PRKN: variants seen among roughly 807,000 people sequenced by gnomAD.
The protein encoded by PRKN is E3 ubiquitin-protein ligase parkin.
PRKN carries 56 observed loss-of-function variants against 59.5 expected under a neutral mutation model. The observed-to-expected ratio is 0.94, with a 90% confidence interval of 0.76 to 1.18. The LOEUF is 1.18. Ranked by LOEUF, PRKN falls within the 50% of genes most tolerant of loss-of-function variation. The probability of loss-of-function intolerance (pLI) is 0.00; values close to 1 mark genes in which losing one functional copy is unlikely to be tolerated. For missense variants in PRKN, 657 were observed against 596.4 expected, an observed-to-expected ratio of 1.10 and a Z score of -1.06; for synonymous variants, 250 against 222.1, an observed-to-expected ratio of 1.13 and a Z score of -1.12.
Position 162,418,755 on chromosome 6 carries a change from T to C in PRKN, c.171+24555A>G, listed in dbSNP as rs535114557. Among the ~76,000 whole-genome samples, 160 of 151,380 alleles carry C rather than the reference T, an allele frequency of 1.1e-3. 1 individual carries two copies. Among genetic ancestry groups the C allele is most frequent in the African/African-American group, 3.8e-3 (155 of 41,276 alleles). On this transcript the variant is annotated intron_variant, in intron 2 of 11. Transcript: ENST00000366898. ...GGTGTGCACGGTTCCTGCACACTCA[T>C]GAAGGAATCCAAGCACACCCAGGGC... is the stretch of plus-strand genomic sequence containing the variant.
intron 1 of PRKN, among the ~76,000 whole-genome samples, chr6:162,533,786 C>T (rs1185232971): frequency 6.6e-6 from 1 of 151,952 alleles, no homozygotes; most frequent in Non-Finnish European, 1.5e-5. Flanking sequence ...GCCTGGCCAA[C>T]ATGGTAAAAC....
intron 1 of PRKN, among the ~76,000 whole-genome samples, chr6:162,480,034 C>T (rs2128181818): frequency 6.6e-6 from 1 of 150,680 alleles, no homozygotes; most frequent in East Asian, 2.0e-4. Flanking sequence ...CACTGCACTC[C>T]AGCCTGGGTG....
At chr6:161,999,427 T>G (rs1781965858) in intron 5 of PRKN, among the ~76,000 whole-genome samples, 1 of 152,108 alleles carries the variant, frequency 6.6e-6, no homozygotes. Context: ...CCACAATTCC[T>G]GAAAAATAAA....
chr6:162,071,747 C>G, intron 4 of PRKN, among the ~76,000 whole-genome samples: 1 of 152,002 alleles, frequency 6.6e-6, no homozygotes, highest in East Asian at 1.9e-4. Context: ...AGGCACATGG[C>G]ACCACACCCA....
At chr6:161,776,459 C>G (rs1403037694) in intron 7 of PRKN, among the ~76,000 whole-genome samples, 1 of 152,172 alleles carries the variant, frequency 6.6e-6, no homozygotes, top group African/African-American at 2.4e-5. Flanking sequence ...CTCATGCTAG[C>G]TAGCAAGTCA....
rs9458257 is a variant in PRKN, at chr6:161,442,918, C to T, written c.1084-56041G>A. Among the ~76,000 whole-genome samples the T allele has an allele frequency of 0.14, 20,784 of 152,148 alleles. 1,630 individuals are homozygous for T. The highest frequency in any genetic ancestry group is 0.2 in the African/African-American group (8,250 of 41,486). ...CTGCCAATGTGTCCACGCTGCTCCT[C>T]AGGCAAGCCATTCTCCCCAGTGCAC... On this transcript the variant is annotated intron_variant, in intron 9 of 11. Transcript: ENST00000366898. This position sits in a 1 kb window ranked among gnomAD's most constrained non-coding sequence, Gnocchi z 4.6.
At chr6:162,557,370 T>TA (rs1171663155) in intron 1 of PRKN, among the ~76,000 whole-genome samples, 4 of 152,114 alleles carry the variant, frequency 2.6e-5, no homozygotes, top group African/African-American at 9.7e-5. Flanking sequence ...CCAACACCAT[T>TA]CCCCCCAGGG....
chr6:162,179,671 C>T (rs767262113), intron 4 of PRKN, among the ~76,000 whole-genome samples: 2 of 151,956 alleles, frequency 1.3e-5, no homozygotes, highest in Non-Finnish European at 2.9e-5. Flanking sequence ...AGGTTTATGC[C>T]CCTTACTATA....
At chr6:162,176,452 C>T (rs1395135397) in intron 4 of PRKN, among the ~76,000 whole-genome samples, 1 of 151,956 alleles carries the variant, frequency 6.6e-6, no homozygotes, top group Admixed American at 6.6e-5. Flanking sequence ...TCATTTTGGC[C>T]AGGTGATATA....
chr6:162,299,246 C>T (rs1422850587), intron 2 of PRKN, among the ~76,000 whole-genome samples: 1 of 152,188 alleles, frequency 6.6e-6, no homozygotes, highest in East Asian at 1.9e-4. Context: ...ACACGGCTCA[C>T]TGTGAGCTCC....
At chr6:161,884,955 G>A (rs910064485) in intron 6 of PRKN, among the ~76,000 whole-genome samples, 1 of 145,010 alleles carries the variant, frequency 6.9e-6, no homozygotes, top group African/African-American at 2.7e-5. Context: ...GGCTGACTGT[G>A]TTCCAATAAA....
chr6:161,966,375 G>C (rs1199411279), intron 6 of PRKN, among the ~76,000 whole-genome samples: 3 of 150,874 alleles, frequency 2.0e-5, no homozygotes, highest in African/African-American at 7.5e-5. Context: ...ACTGTAAAGG[G>C]AGATTGAAGG....
chr6:162,072,487 G>C (rs1175990731), intron 4 of PRKN, among the ~76,000 whole-genome samples: 1 of 152,014 alleles, frequency 6.6e-6, no homozygotes, highest in Admixed American at 6.6e-5. Context: ...CCTGATTCTT[G>C]GAATATCGAT....
intron 6 of PRKN, among the ~76,000 whole-genome samples, chr6:161,796,804 G>A (rs1002227852): frequency 1.3e-5 from 2 of 152,182 alleles, no homozygotes; most frequent in Non-Finnish European, 2.9e-5. Flanking sequence ...GAGCTGTTAT[G>A]TGGCACAACT....
chr6:162,470,745 T>C (rs1331569163), intron 1 of PRKN, among the ~76,000 whole-genome samples: 1 of 152,304 alleles, frequency 6.6e-6, no homozygotes, highest in East Asian at 1.9e-4. Context: ...TTTGTTTATT[T>C]ATTTTTAAAT....
At chr6:162,670,713 T>C (rs1333694386) in intron 1 of PRKN, among the ~76,000 whole-genome samples, 1 of 152,172 alleles carries the variant, frequency 6.6e-6, no homozygotes, top group Non-Finnish European at 1.5e-5. Context: ...AAAACAAGAA[T>C]ATTTATTTTC....
At chr6:161,866,164 C>A (rs1315494684) in intron 6 of PRKN, among the ~76,000 whole-genome samples, 1 of 152,136 alleles carries the variant, frequency 6.6e-6, no homozygotes, top group African/African-American at 2.4e-5. Flanking sequence ...CGTTCACAAT[C>A]TTATTTGGGC....
chr6:162,657,525 T>G (rs1778688464), intron 1 of PRKN, among the ~76,000 whole-genome samples: 1 of 152,128 alleles, frequency 6.6e-6, no homozygotes, highest in East Asian at 1.9e-4. Flanking sequence ...CAACAAAAAG[T>G]TCTCTTAAGA....
chr6:161,460,400 A>G lies in PRKN; in HGVS notation c.1084-73523T>C. Among the ~76,000 whole-genome samples the G allele has an allele frequency of 6.6e-6, 1 of 152,042 alleles. No homozygotes were observed. The highest frequency in any genetic ancestry group is 1.9e-4 in the East Asian group (1 of 5,188). ...TCTCAGGCCCAAATATCCATTTAGG[A>G]TCTCTGGAATATAATGGGCTATACT... On this transcript the variant is annotated intron_variant, in intron 9 of 11. Transcript: ENST00000366898. This position sits in a 1 kb window ranked among gnomAD's most constrained non-coding sequence, Gnocchi z 5.0.
Sources: allele counts gnomAD v4.1 joint callset (sites outside exome capture counted in the v4.1 genomes callset), GRCh38; gene constraint gnomAD v4.1.1; non-coding constraint Gnocchi (gnomAD v3.1); transcripts MANE v1.5; gene names NCBI Gene and HGNC (gene_info 2026-07-23, HGNC 2026-07-21).